Variants in ARHGAP26 observed in about 807,000 individuals in gnomAD.
ARHGAP26 encodes rho GTPase-activating protein 26.
ARHGAP26 carries 38 observed loss-of-function variants against 104.8 expected under a neutral mutation model. The ratio of observed to expected loss-of-function variants is 0.36; its 90% CI spans 0.28 to 0.48. The LOEUF (loss-of-function observed/expected upper bound fraction) is 0.48. Among genes scored for constraint, ARHGAP26 ranks in the 20% least tolerant of loss-of-function variants. ARHGAP26 has a pLI of 0.99. For missense variants in ARHGAP26, 704 were observed against 947.9 expected, an observed-to-expected ratio of 0.74 and a Z score of 3.38; for synonymous variants, 341 against 340.0, an observed-to-expected ratio of 1.00 and a Z score of -0.03.
intron 10 of ARHGAP26, among the ~76,000 whole-genome samples, chr5:142,930,840 T>C (rs1418718076): frequency 6.6e-6 from 1 of 152,168 alleles, no homozygotes. Flanking sequence ...TAAACACAAA[T>C]AGGTTTAGCA....
intron 20 of ARHGAP26, among the ~76,000 whole-genome samples, chr5:143,183,073 C>CAA (rs70991799): frequency 0.058 from 5,168 of 89,742 alleles, 304 homozygotes; most frequent in African/African-American, 0.17. Context: ...TGAAAAGTGG[C>CAA]AAAAAAAAAA....
chr5:143,217,762 A>G (rs1381869719), intron 22 of ARHGAP26, among the ~76,000 whole-genome samples: 1 of 152,022 alleles, frequency 6.6e-6, no homozygotes, highest in Non-Finnish European at 1.5e-5. Context: ...TTCACCTCTC[A>G]CCTGGGCGCT....
chr5:142,908,037 T>C (rs2152470108), intron 9 of ARHGAP26, among the ~76,000 whole-genome samples: 1 of 152,292 alleles, frequency 6.6e-6, no homozygotes, highest in Middle Eastern at 3.4e-3. Context: ...AGTTAAGAAA[T>C]ATTTTTGTAT....
intron 1 of ARHGAP26, among the ~76,000 whole-genome samples, chr5:142,851,108 T>G (rs1357731797): frequency 6.6e-6 from 1 of 152,056 alleles, no homozygotes; most frequent in African/African-American, 2.4e-5. Context: ...TTTTTTTTTT[T>G]TTTTCCTGAG....
chr5:143,147,112 G>A lies in ARHGAP26; in HGVS notation c.1838-119G>A, dbSNP rs999035755. On this transcript the variant is annotated intron_variant, in intron 19 of 22. Coordinates refer to ENST00000645722, the MANE Select transcript of ARHGAP26 (RefSeq NM_001135608.3). ...TAACCTTTTCTATGTTGTTTCTTAAGCTTCCCTGGGATCAGAGATCTTGAT... is the reference window on the plus strand; with the variant it reads ...TAACCTTTTCTATGTTGTTTCTTAAACTTCCCTGGGATCAGAGATCTTGAT... 4.9e-6 allele frequency: 6 copies of A among 1,219,102 alleles called. No homozygotes were observed. The African/African-American group carries it at 9.2e-5, about 19-fold the overall frequency. 75.5% of individuals were successfully genotyped at this position (1,219,102 alleles called of 1,614,324 possible). A position where few individuals can be genotyped will look rare whatever the true frequency, so the allele number is the denominator to read the frequency against.
chr5:143,026,889 G>T (rs1248756180), intron 12 of ARHGAP26, among the ~76,000 whole-genome samples: 1 of 152,150 alleles, frequency 6.6e-6, no homozygotes, highest in African/African-American at 2.4e-5. Context: ...CTTGGATCAA[G>T]GTATTAGCAA....
chr5:142,772,151 C>T (rs570263439), intron 1 of ARHGAP26, among the ~76,000 whole-genome samples: 30 of 152,280 alleles, frequency 2.0e-4, no homozygotes, highest in Middle Eastern at 3.4e-3. Flanking sequence ...AAGTCAGGTG[C>T]CTGAGATGTC....
At chr5:142,974,699 C>G (rs149947767) in intron 11 of ARHGAP26, among the ~76,000 whole-genome samples, 1 of 152,326 alleles carries the variant, frequency 6.6e-6, no homozygotes, top group Non-Finnish European at 1.5e-5. Context: ...CTTCCATCCT[C>G]GCTTGTCTTC....
At chr5:142,773,979 A>G (rs6890293) in intron 1 of ARHGAP26, among the ~76,000 whole-genome samples, 8,727 of 152,244 alleles carry the variant, frequency 0.057, 631 homozygotes, top group African/African-American at 0.17. Context: ...GCATTTTGCA[A>G]TACATAAGCG....
chr5:143,007,834 A>G (rs1381602301), intron 11 of ARHGAP26, among the ~76,000 whole-genome samples: 2 of 152,224 alleles, frequency 1.3e-5, no homozygotes, highest in African/African-American at 2.4e-5. Flanking sequence ...TTGCTGTTTT[A>G]AAAAAGATTA....
intron 10 of ARHGAP26, among the ~76,000 whole-genome samples, chr5:142,930,590 C>A (rs1319916993): frequency 6.6e-6 from 1 of 151,970 alleles, no homozygotes; most frequent in African/African-American, 2.4e-5. Flanking sequence ...CACCCACATA[C>A]AACCCCACTC....
At chr5:143,141,495 A>G (rs1184892327) in intron 19 of ARHGAP26, among the ~76,000 whole-genome samples, 1 of 152,202 alleles carries the variant, frequency 6.6e-6, no homozygotes, top group African/African-American at 2.4e-5. Context: ...TAGACTTTCT[A>G]AATTGGAGAG....
chr5:142,815,796 TTTC>T (rs901030125), intron 1 of ARHGAP26, among the ~76,000 whole-genome samples: 42 of 152,130 alleles, frequency 2.8e-4, no homozygotes, highest in African/African-American at 9.9e-4. Flanking sequence ...CTGCTGCTCT[TTTC>T]TTCTTATTTT....
intron 12 of ARHGAP26, among the ~76,000 whole-genome samples, chr5:143,023,724 G>A (rs945040467): frequency 1.3e-5 from 2 of 152,084 alleles, no homozygotes; most frequent in Non-Finnish European, 2.9e-5. Flanking sequence ...GGCATTAATG[G>A]GCACAGTGGC....
chr5:143,125,937 C>T (rs1295635116), intron 18 of ARHGAP26, among the ~76,000 whole-genome samples: 1 of 152,190 alleles, frequency 6.6e-6, no homozygotes, highest in African/African-American at 2.4e-5. Flanking sequence ...CTTAGTACTA[C>T]TCTCAGAACC....
At chr5:142,937,517 C>G (rs1250871711) in intron 11 of ARHGAP26, among the ~76,000 whole-genome samples, 1 of 152,214 alleles carries the variant, frequency 6.6e-6, no homozygotes, top group African/African-American at 2.4e-5. Flanking sequence ...TGCTGTTACT[C>G]TATGACACAG....
chr5:142,907,810 T>C lies in ARHGAP26; in HGVS notation c.933+6T>C, dbSNP rs201618961. On this transcript the variant is annotated splice_donor_region_variant and intron_variant, in intron 9 of 22. Coordinates refer to ENST00000645722, the MANE Select transcript of ARHGAP26 (RefSeq NM_001135608.3). ...AAAAGTCAGGAGGAAAAGGGGTGAG[T>C]TCATTTTTAAAATTTGATGTTTGAT... 3 of 1,597,810 alleles carry C rather than the reference T, an allele frequency of 1.9e-6. No individual in the cohort carries two copies. Among genetic ancestry groups the C allele is most frequent in the African/African-American group, 2.7e-5 (2 of 74,646 alleles).
chr5:143,109,798 T>C (rs1482163417), intron 17 of ARHGAP26, among the ~76,000 whole-genome samples: 1 of 152,192 alleles, frequency 6.6e-6, no homozygotes. Context: ...TAGGTCTTAG[T>C]TGAGACCTTT....
At chr5:143,016,350 A>G (rs1274995610) in intron 12 of ARHGAP26, among the ~76,000 whole-genome samples, 1 of 152,176 alleles carries the variant, frequency 6.6e-6, no homozygotes, top group African/African-American at 2.4e-5. Flanking sequence ...TGGGTGTCTA[A>G]TGATTCTTCA....
Sources: allele counts gnomAD v4.1 joint callset (sites outside exome capture counted in the v4.1 genomes callset), GRCh38; gene constraint gnomAD v4.1.1; transcripts MANE v1.5; gene names NCBI Gene and HGNC (gene_info 2026-07-23, HGNC 2026-07-21).